Variants in PTK2 observed in about 807,000 individuals in gnomAD.
PTK2 encodes the protein focal adhesion kinase 1.
PTK2 carries 45 observed loss-of-function variants against 150.1 expected under a neutral mutation model. That is an observed-to-expected ratio of 0.30 (90% CI 0.24 to 0.38). The LOEUF (loss-of-function observed/expected upper bound fraction) is 0.38, where lower values mean the gene tolerates loss of function less well. Among genes scored for constraint, PTK2 ranks in the 10% least tolerant of loss-of-function variants. The probability of loss-of-function intolerance (pLI) is 1.00; values close to 1 mark genes in which losing one functional copy is unlikely to be tolerated. For missense variants in PTK2, 919 were observed against 1,307.3 expected (o/e 0.70, Z 4.58); for synonymous variants, 432 against 449.2 (o/e 0.96, Z 0.48).
intron 1 of PTK2, among the ~76,000 whole-genome samples, chr8:140,940,101 T>A (rs1007825894): frequency 3.9e-5 from 6 of 152,212 alleles, no homozygotes; most frequent in Non-Finnish European, 8.8e-5. Flanking sequence ...CACTTACTGT[T>A]CGTATTGACA....
At chr8:140,916,646 G>A (rs759321656) in intron 2 of PTK2, among the ~76,000 whole-genome samples, 1 of 152,176 alleles carries the variant, frequency 6.6e-6, no homozygotes, top group Non-Finnish European at 1.5e-5. Flanking sequence ...TCTGTGGAAT[G>A]AATGAATGAA....
At chr8:140,743,488 CATAT>C (rs984094574) in intron 19 of PTK2, among the ~76,000 whole-genome samples, 158 bp from the exon 23 acceptor site, 1 of 151,970 alleles carries the variant, frequency 6.6e-6, no homozygotes, top group Non-Finnish European at 1.5e-5. Context: ...TAATAAATCT[CATAT>C]ATACACACAC....
intron 29 of PTK2, among the ~76,000 whole-genome samples, chr8:140,673,537 T>C (rs2100011855): frequency 6.6e-6 from 1 of 152,198 alleles, no homozygotes; most frequent in African/African-American, 2.4e-5. Context: ...ATAGCGTCTA[T>C]TTTGAGAGGT....
chr8:140,838,402 G>A (rs1296625464), intron 7 of PTK2, among the ~76,000 whole-genome samples: 1 of 152,220 alleles, frequency 6.6e-6, no homozygotes, highest in African/African-American at 2.4e-5. Flanking sequence ...GTGTGTGCAT[G>A]CGAGTCCCTG....
intron 19 of PTK2, among the ~76,000 whole-genome samples, chr8:140,744,407 C>T (rs2100057510): frequency 6.6e-6 from 1 of 152,142 alleles, no homozygotes; most frequent in African/African-American, 2.4e-5. Flanking sequence ...GTGTAAAAAT[C>T]CTGTAAATGT....
intron 1 of PTK2, among the ~76,000 whole-genome samples, chr8:140,981,941 T>A (rs958954504): frequency 1.3e-5 from 2 of 152,134 alleles, no homozygotes; most frequent in African/African-American, 4.8e-5. Context: ...GTAGAGATTA[T>A]CTCTACCTTA....
chr8:140,841,065 A>G (rs953830597), intron 7 of PTK2, among the ~76,000 whole-genome samples: 4 of 152,196 alleles, frequency 2.6e-5, no homozygotes, highest in Admixed American at 2.6e-4. Flanking sequence ...AAAGCGCCTC[A>G]AAATATCAAG....
chr8:140,679,030 T>C (rs1428108492), intron 27 of PTK2, among the ~76,000 whole-genome samples: 6 of 70,830 alleles, frequency 8.5e-5, no homozygotes, highest in Non-Finnish European at 1.3e-4. Context: ...TTTTTTTTTT[T>C]TTTTTTTTTT....
At chr8:140,864,207 C>T in intron 5 of PTK2, 105 bp downstream of exon 5, 1 of 606,116 alleles carries the variant, frequency 1.6e-6, no homozygotes, top group Non-Finnish European at 2.7e-6. Flanking sequence ...CAACAAATTT[C>T]TATTCCTCCA....
At chr8:140,732,626 A>G (rs550625412) in intron 22 of PTK2, 1 of 516,716 alleles carries the variant, frequency 1.9e-6, no homozygotes, top group African/African-American at 2.0e-5. Context: ...GAGACATACT[A>G]GACTGTGAGC....
intron 1 of PTK2, among the ~76,000 whole-genome samples, chr8:140,967,586 G>A (rs746085659): frequency 4.0e-5 from 6 of 150,836 alleles, no homozygotes; most frequent in Non-Finnish European, 7.4e-5. Context: ...TCAGCCTCCC[G>A]AGTGGCTAGG....
chr8:140,833,217 C>T (rs1212797088), intron 7 of PTK2, among the ~76,000 whole-genome samples: 1 of 151,816 alleles, frequency 6.6e-6, no homozygotes, highest in Non-Finnish European at 1.5e-5. Context: ...AGCATATATA[C>T]AGTTTAGGTT....
chr8:140,725,884 A>C (rs1299668637), intron 22 of PTK2, among the ~76,000 whole-genome samples: 1 of 151,956 alleles, frequency 6.6e-6, no homozygotes, highest in African/African-American at 2.4e-5. Flanking sequence ...CCCATTCTCA[A>C]GAGGAAAAAA....
At chr8:140,742,525 C>A (rs2100056331) in intron 20 of PTK2, among the ~76,000 whole-genome samples, 1 of 152,202 alleles carries the variant, frequency 6.6e-6, no homozygotes, top group African/African-American at 2.4e-5. Context: ...TCTTTGCCAG[C>A]ATATTCTTTA....
At chr8:140,889,563 T>C (rs2100153547) in intron 3 of PTK2, among the ~76,000 whole-genome samples, 2 of 151,922 alleles carry the variant, frequency 1.3e-5, no homozygotes, top group African/African-American at 4.8e-5. Context: ...CCAATCCCTT[T>C]GCTTTGGTTA....
intron 1 of PTK2, among the ~76,000 whole-genome samples, chr8:140,992,083 G>A (rs546441693): frequency 2.0e-5 from 3 of 152,122 alleles, no homozygotes; most frequent in Admixed American, 6.6e-5. Context: ...CCTGAGGTCA[G>A]GAGTTTGAGA....
intron 22 of PTK2, among the ~76,000 whole-genome samples, chr8:140,724,058 G>T (rs2100044433): frequency 6.6e-6 from 1 of 152,116 alleles, no homozygotes; most frequent in Non-Finnish European, 1.5e-5. Flanking sequence ...TCCAACAAAG[G>T]CAATTTTCAG....
At chr8:140,673,709 C>A (rs117282787) in intron 29 of PTK2, among the ~76,000 whole-genome samples, 1 of 152,066 alleles carries the variant, frequency 6.6e-6, no homozygotes, top group Admixed American at 6.5e-5. Context: ...GAGTCACAGG[C>A]GCCAACAGTT....
At chr8:140,679,003 G>GTTTT (rs533089786) in intron 27 of PTK2, among the ~76,000 whole-genome samples, 8 of 69,008 alleles carry the variant, frequency 1.2e-4, no homozygotes, top group East Asian at 4.6e-4. Context: ...TGCTCCCCAT[G>GTTTT]TTTTTTTTTT....
Sources: allele counts gnomAD v4.1 joint callset (sites outside exome capture counted in the v4.1 genomes callset), GRCh38; gene constraint gnomAD v4.1.1; transcripts MANE v1.5; gene names NCBI Gene and HGNC (gene_info 2026-07-23, HGNC 2026-07-21).